The following ST3GAL3 variants were observed in gnomAD, a reference collection of about 807,000 sequenced individuals.
ST3GAL3 encodes the protein CMP-N-acetylneuraminate-beta-1,4-galactoside alpha-2,3-sialyltransferase.
Under a neutral mutation model 50.1 loss-of-function variants are expected in ST3GAL3, and 21 were observed. The observed-to-expected ratio is 0.42, with a 90% CI of 0.30 to 0.60. The LOEUF is 0.60. Ranked by LOEUF, ST3GAL3 falls within the 20% of genes least tolerant of loss-of-function variation. The pLI, the probability that ST3GAL3 is intolerant of heterozygous loss-of-function variation, is 0.19. For synonymous variants in ST3GAL3, 183 were observed against 190.0 expected (o/e 0.96, Z 0.30); for missense variants, 353 against 489.4 (o/e 0.72, Z 2.63).
At chr1:43,855,754 T>G (rs1418285505) in intron 5 of ST3GAL3, among the ~76,000 whole-genome samples, 4 of 152,040 alleles carry the variant, frequency 2.6e-5, no homozygotes, top group Non-Finnish European at 5.9e-5. Flanking sequence ...TTAAAATTTT[T>G]AAAAATATAT....
At chr1:43,911,101 T>C (rs1291990235) in intron 9 of ST3GAL3, 3 of 151,852 alleles carry the variant, frequency 2.0e-5, no homozygotes, top group Non-Finnish European at 2.9e-5. Context: ...GAGCAGAGCT[T>C]GGATGTGTGG....
At chr1:43,896,378 C>CA (rs1396089409) in intron 6 of ST3GAL3, among the ~76,000 whole-genome samples, 1 of 152,084 alleles carries the variant, frequency 6.6e-6, no homozygotes, top group Admixed American at 6.5e-5. Flanking sequence ...TTCAAGCATA[C>CA]AAAAAATACT....
chr1:43,733,448 G>A (rs980086143), intron 1 of ST3GAL3, among the ~76,000 whole-genome samples: 3 of 152,192 alleles, frequency 2.0e-5, no homozygotes, highest in South Asian at 2.1e-4. Flanking sequence ...CATGCTTAGC[G>A]TAGAGTAAAT....
intron 2 of ST3GAL3, among the ~76,000 whole-genome samples, chr1:43,740,777 C>T (rs143838577): frequency 6.6e-6 from 1 of 151,884 alleles, no homozygotes; most frequent in African/African-American, 2.4e-5. Flanking sequence ...GATTGTGCCA[C>T]TGTACTCTAA....
intron 2 of ST3GAL3, among the ~76,000 whole-genome samples, chr1:43,747,870 CA>C (rs1359693090): frequency 2.6e-5 from 4 of 151,922 alleles, no homozygotes; most frequent in African/African-American, 9.7e-5. Context: ...TGTGAGTCAC[CA>C]TGCTTGGCCA....
intron 3 of ST3GAL3, chr1:43,801,406 C>A (rs1311778558): frequency 4.4e-6 from 2 of 455,786 alleles, no homozygotes; most frequent in East Asian, 1.4e-4. Flanking sequence ...CCTTGAAATT[C>A]CATTCTGGGG....
chr1:43,829,762 T>C (rs977107471), intron 4 of ST3GAL3, among the ~76,000 whole-genome samples: 5 of 152,152 alleles, frequency 3.3e-5, no homozygotes, highest in Non-Finnish European at 5.9e-5. Flanking sequence ...CTTTAAATTG[T>C]CTGCCTCCTC....
chr1:43,734,019 A>G (rs1677078083), intron 1 of ST3GAL3, among the ~76,000 whole-genome samples: 1 of 152,022 alleles, frequency 6.6e-6, no homozygotes, highest in African/African-American at 2.4e-5. Flanking sequence ...CTGAGGCAGG[A>G]GAATCGCTTG....
intron 9 of ST3GAL3, among the ~76,000 whole-genome samples, chr1:43,911,014 C>T (rs1021595029): frequency 2.0e-5 from 3 of 152,146 alleles, no homozygotes; most frequent in Non-Finnish European, 4.4e-5. Flanking sequence ...AGTCCAAGTC[C>T]ACTTCCATCT....
intron 1 of ST3GAL3, among the ~76,000 whole-genome samples, chr1:43,731,716 T>A (rs1448037793): frequency 6.6e-6 from 1 of 151,626 alleles, no homozygotes; most frequent in African/African-American, 2.4e-5. Context: ...GTATTTTTAG[T>A]AGAGACGGGA....
intron 2 of ST3GAL3, among the ~76,000 whole-genome samples, chr1:43,784,578 T>C (rs2057038306): frequency 6.6e-6 from 1 of 152,236 alleles, no homozygotes; most frequent in South Asian, 2.1e-4. Flanking sequence ...AATATCGTTA[T>C]TTGAATCTCT....
At position 43,707,563 on chromosome 1, in the gene ST3GAL3, T is replaced by G. The variant is rs1468009157; in HGVS notation, c.-161T>G. 7 of 151,824 alleles carry G rather than the reference T, an allele frequency of 4.6e-5. No individual in the cohort carries two copies. The highest frequency in any genetic ancestry group is 2.1e-4 in the South Asian group (1 of 4,834). 9.4% of individuals were successfully genotyped at this position (151,824 alleles called of 1,614,324 possible). On this transcript the variant is annotated 5_prime_UTR_variant, in exon 1 of 12. An upstream start codon of the reference 5' UTR is lost. Coordinates refer to ENST00000347631, the MANE Select transcript of ST3GAL3 (RefSeq NM_006279.5). Reference sequence around the variant, plus strand: ...TGCGTCCCCACTATGGCGGCGCCCATGCAGCCCAGCGCGTTGTGGGCTCCC... The same window carrying G: ...TGCGTCCCCACTATGGCGGCGCCCAGGCAGCCCAGCGCGTTGTGGGCTCCC...
At chr1:43,927,614 G>A (rs942162626) in intron 11 of ST3GAL3, among the ~76,000 whole-genome samples, 7 of 152,116 alleles carry the variant, frequency 4.6e-5, no homozygotes, top group African/African-American at 1.7e-4. Flanking sequence ...TTTCCTCCAA[G>A]TCTCTGTTTT....
intron 1 of ST3GAL3, among the ~76,000 whole-genome samples, chr1:43,734,347 CAGGCTGGA>C: frequency 7.4e-6 from 1 of 135,194 alleles, no homozygotes; most frequent in African/African-American, 2.6e-5. Context: ...CTCTGTCACC[CAGGCTGGA>C]GTACAGTGGC....
At chr1:43,879,762 C>T (rs1393499954) in intron 5 of ST3GAL3, among the ~76,000 whole-genome samples, 1 of 152,226 alleles carries the variant, frequency 6.6e-6, no homozygotes, top group Non-Finnish European at 1.5e-5. Flanking sequence ...CCCCTGCCTT[C>T]CTCACCATCA....
intron 3 of ST3GAL3, among the ~76,000 whole-genome samples, chr1:43,793,924 A>T (rs951921384): frequency 6.6e-6 from 1 of 152,030 alleles, no homozygotes; most frequent in Non-Finnish European, 1.5e-5. Flanking sequence ...CTCTACAAAA[A>T]TTTTTTTAAA....
chr1:43,915,310 G>C (rs867648848), intron 9 of ST3GAL3, among the ~76,000 whole-genome samples: 1 of 152,238 alleles, frequency 6.6e-6, no homozygotes, highest in African/African-American at 2.4e-5. Context: ...CTGGGCTACA[G>C]AGGTGAATCA....
At chr1:43,910,569 C>T (rs2080630400) in intron 9 of ST3GAL3, among the ~76,000 whole-genome samples, 1 of 152,220 alleles carries the variant, frequency 6.6e-6, no homozygotes, top group Non-Finnish European at 1.5e-5. Context: ...AGAAATATTG[C>T]CTGCCCACTG....
intron 2 of ST3GAL3, among the ~76,000 whole-genome samples, chr1:43,787,588 C>CT (rs1395069273): frequency 2.6e-5 from 4 of 152,196 alleles, no homozygotes; most frequent in Non-Finnish European, 5.9e-5. Flanking sequence ...TCACTTGCCT[C>CT]TTCTGAAGTT....
Sources: gnomAD v4.1 joint callset for allele counts (sites outside exome capture counted in the v4.1 genomes callset) on GRCh38, gnomAD v4.1.1 for gene constraint, MANE v1.5 for transcripts, NCBI Gene and HGNC (gene_info 2026-07-23, HGNC 2026-07-21) for gene names.